ADA: variants seen among roughly 807,000 people sequenced by gnomAD.
The protein encoded by ADA is adenosine deaminase.
A neutral mutation model predicts 49.0 loss-of-function variants in ADA; 45 were observed. That is an observed-to-expected ratio of 0.92 (90% CI 0.72 to 1.18). The LOEUF is 1.18. ADA is among the 50% of genes most tolerant of loss of function. ADA has a pLI of 0.00. For missense variants in ADA, 445 were observed against 472.5 expected (o/e 0.94, Z 0.54); for synonymous variants, 173 against 184.2 (o/e 0.94, Z 0.49).
Position 44,646,048 on chromosome 20 carries a change from G to T in ADA, c.33+5527C>A, listed in dbSNP as rs561571519. On this transcript the variant is annotated intron_variant, in intron 1 of 11. Transcript: ENST00000372874. ...CTGCTCCTCTCCACCTCCCCAGCCAGACCATGGTCCTACTACCTTGCCCCG... is the reference window on the plus strand; with the variant it reads ...CTGCTCCTCTCCACCTCCCCAGCCATACCATGGTCCTACTACCTTGCCCCG... Among the ~76,000 whole-genome samples, 56 of 152,200 alleles carry T rather than the reference G, an allele frequency of 3.7e-4. 1 individual carries two copies. The South Asian group carries it at 0.012, about 32-fold the overall frequency.
At chr20:44,630,559 T>C (rs949042556) in intron 2 of ADA, among the ~76,000 whole-genome samples, 8 of 152,048 alleles carry the variant, frequency 5.3e-5, no homozygotes, top group Non-Finnish European at 7.4e-5. Context: ...TACAAGAGAA[T>C]GCGGCAGCAA....
At position 44,622,444 on chromosome 20, in the gene ADA, G is replaced by A. The variant is rs567903004; in HGVS notation, c.845+144C>T. On this transcript the variant is annotated intron_variant, in intron 9 of 11. Transcript: ENST00000372874. ...CTCGGATTCCTCATTTGTAAGATGA[G>A]GACGGCAATGCCTGCTTCCCAGGGT... The A allele has an allele frequency of 1.6e-5, 16 of 992,972 alleles. No homozygotes were observed. In the South Asian group the frequency reaches 2.1e-4, roughly 13 times the overall value. The allele number at this position is 992,972 out of a possible 1,614,324, so 61.5% of individuals were successfully genotyped here.
At chr20:44,647,453 A>G (rs2065603036) in intron 1 of ADA, among the ~76,000 whole-genome samples, 1 of 151,740 alleles carries the variant, frequency 6.6e-6, no homozygotes, top group Admixed American at 6.6e-5. Flanking sequence ...GAAAAAAAGA[A>G]AGAAACTGCT....
At chr20:44,624,398 G>T in intron 5 of ADA, 69 bp from the exon 6 acceptor site, 1 of 1,604,254 alleles carries the variant, frequency 6.2e-7, no homozygotes, top group Non-Finnish European at 8.5e-7. Context: ...CTACCTGCCT[G>T]CTGTCCCACC....
intron 1 of ADA, among the ~76,000 whole-genome samples, chr20:44,639,516 G>A (rs181958961): frequency 5.8e-4 from 88 of 152,172 alleles, no homozygotes; most frequent in African/African-American, 8.0e-4. Flanking sequence ...GGGTTCAAGC[G>A]ATTCTCCTGC....
chr20:44,650,418 T>C (rs1215996951), intron 1 of ADA, among the ~76,000 whole-genome samples: 1 of 149,504 alleles, frequency 6.7e-6, no homozygotes, highest in Non-Finnish European at 1.5e-5. Context: ...ACCTATTTCT[T>C]TTCTTTTCTT....
At chr20:44,648,800 G>T (rs746657938) in intron 1 of ADA, among the ~76,000 whole-genome samples, 6 of 151,986 alleles carry the variant, frequency 3.9e-5, no homozygotes, top group Non-Finnish European at 7.3e-5. Context: ...CATTTCCTGG[G>T]AGCTGGTCAG....
At chr20:44,650,240 G>C (rs544781825) in intron 1 of ADA, among the ~76,000 whole-genome samples, 2 of 152,180 alleles carry the variant, frequency 1.3e-5, no homozygotes, top group African/African-American at 2.4e-5. Context: ...AGCTTCTGAC[G>C]GGGAGTAGCT....
At chr20:44,640,362 C>T (rs1359253622) in intron 1 of ADA, among the ~76,000 whole-genome samples, 1 of 151,062 alleles carries the variant, frequency 6.6e-6, no homozygotes, top group African/African-American at 2.4e-5. Context: ...TGCAGTGAGC[C>T]GAGATTGAGC....
At position 44,621,071 on chromosome 20, in the gene ADA, A is replaced by G; in HGVS notation, c.922T>C (p.Tyr308His). ...LIFKSTLDTD[Y>H]QMTKRDMGFT... ...CCCATGTCCCGTTTGGTCATCTGGTAATCAGTGTCCAGGGTGGACTTGAAG... is the reference window on the plus strand; with the variant it reads ...CCCATGTCCCGTTTGGTCATCTGGTGATCAGTGTCCAGGGTGGACTTGAAG... The change falls in exon 10 of 12, where the codon TAC (tyrosine) becomes CAC (histidine). Residue 308 changes from tyrosine (Y) to histidine (H), a missense_variant. By Grantham distance (83) the Tyr-to-His change is moderately conservative. Coordinates refer to ENST00000372874, the MANE Select transcript of ADA (RefSeq NM_000022.4). 1 of 1,614,192 alleles carries G rather than the reference A, an allele frequency of 6.2e-7. No individual in the cohort carries two copies. The highest frequency in any genetic ancestry group is 8.5e-7 in the Non-Finnish European group (1 of 1,180,038).
At chr20:44,624,037 C>A (rs551337536) in intron 6 of ADA, 165 bp downstream of exon 6, 2 of 993,478 alleles carry the variant, frequency 2.0e-6, no homozygotes, top group African/African-American at 3.2e-5. Flanking sequence ...TGAACCACCA[C>A]GCCTGGCCCA....
chr20:44,628,050 C>T (rs1043827742), intron 3 of ADA, among the ~76,000 whole-genome samples: 12 of 151,908 alleles, frequency 7.9e-5, no homozygotes, highest in Admixed American at 3.3e-4. Context: ...GATCACGTAA[C>T]GGTGGACTGT....
intron 1 of ADA, among the ~76,000 whole-genome samples, chr20:44,643,110 C>T (rs1285742589): frequency 6.6e-6 from 1 of 152,198 alleles, no homozygotes; most frequent in Non-Finnish European, 1.5e-5. Context: ...CAGCCTATTC[C>T]AGATGACAAT....
intron 4 of ADA, 131 bp from the exon 5 acceptor site, chr20:44,625,815 G>T: frequency 1.3e-6 from 1 of 741,932 alleles, no homozygotes; most frequent in Non-Finnish European, 2.3e-6. Flanking sequence ...CACTGCCTCA[G>T]AGGAAAGACT....
chr20:44,651,621 G>T lies in ADA; in HGVS notation c.-14C>A, dbSNP rs2145367155. 1.3e-6 allele frequency: 2 copies of T among 1,527,448 alleles called. No individual in the cohort carries two copies. Among genetic ancestry groups the T allele is most frequent in the Non-Finnish European group, 8.7e-7 (1 of 1,144,696 alleles). The allele number at this position is 1,527,448 out of a possible 1,614,324, so 94.6% of individuals were successfully genotyped here. On this transcript the variant is annotated 5_prime_UTR_variant, in exon 1 of 12. Transcript: ENST00000372874. ...CGTCTGGGCCATGGTGCCCTCGTGC[G>T]CCCCGGCGCTGCTCCCTCCGCCGCC...
At chr20:44,637,653 G>A (rs1016503410) in intron 1 of ADA, among the ~76,000 whole-genome samples, 8 of 152,184 alleles carry the variant, frequency 5.3e-5, no homozygotes, top group African/African-American at 1.2e-4. Context: ...GCCCAAGGGC[G>A]TCTAGGAGCA....
At chr20:44,648,269 A>G (rs1417954435) in intron 1 of ADA, among the ~76,000 whole-genome samples, 1 of 151,992 alleles carries the variant, frequency 6.6e-6, no homozygotes, top group Non-Finnish European at 1.5e-5. Context: ...AGGTGGGGGT[A>G]TGGGAGGCAC....
intron 2 of ADA, among the ~76,000 whole-genome samples, chr20:44,633,562 G>C (rs111937217): frequency 0.015 from 2,345 of 152,246 alleles, 72 homozygotes; most frequent in African/African-American, 0.054. Flanking sequence ...ATGGGTTAAG[G>C]CTCTTGCTCC....
Position 44,637,100 on chromosome 20 carries a change from C to T in ADA, c.34-812G>A, listed in dbSNP as rs145649529. 1.9e-3 allele frequency among the ~76,000 whole-genome samples: 293 copies of T among 152,202 alleles called. 1 individual carries two copies. Among genetic ancestry groups the T allele is most frequent in the South Asian group, 0.012 (57 of 4,824 alleles). On this transcript the variant is annotated intron_variant, in intron 1 of 11. Coordinates refer to ENST00000372874, the MANE Select transcript of ADA (RefSeq NM_000022.4). ...GATTACAGGTATGTGCCACCGCAACCGACCCAGGCTCCATTTTCAAAAGCA... is the reference window on the plus strand; with the variant it reads ...GATTACAGGTATGTGCCACCGCAACTGACCCAGGCTCCATTTTCAAAAGCA...
Sources: allele counts gnomAD v4.1 joint callset (sites outside exome capture counted in the v4.1 genomes callset), GRCh38; gene constraint gnomAD v4.1.1; transcripts MANE v1.5; gene names NCBI Gene and HGNC (gene_info 2026-07-23, HGNC 2026-07-21).